TMEM232: variants seen among roughly 807,000 people sequenced by gnomAD.
The protein encoded by TMEM232 is transmembrane protein 232.
TMEM232 carries 80 observed loss-of-function variants against 78.8 expected under a neutral mutation model. The observed-to-expected ratio is 1.01, with a 90% CI of 0.85 to 1.22. The LOEUF (loss-of-function observed/expected upper bound fraction) is 1.22, where lower values mean the gene tolerates loss of function less well. TMEM232 is among the 50% of genes most tolerant of loss of function. The pLI is 0.00. For missense variants in TMEM232, 881 were observed against 742.2 expected (o/e 1.19, Z -2.17); for synonymous variants, 297 against 254.3 (o/e 1.17, Z -1.60).
At chr5:110,549,367 T>G (rs56689161) in intron 11 of TMEM232, among the ~76,000 whole-genome samples, 2 of 151,494 alleles carry the variant, frequency 1.3e-5, no homozygotes, top group Non-Finnish European at 2.9e-5. Flanking sequence ...GTAATCCCAG[T>G]GTTTTGAGGG....
intron 12 of TMEM232, among the ~76,000 whole-genome samples, chr5:110,455,801 T>C (rs563625016): frequency 8.7e-4 from 132 of 152,250 alleles, no homozygotes; most frequent in African/African-American, 2.9e-3. Flanking sequence ...TCTTTCAACA[T>C]TGAAAAAATC....
chr5:110,701,448 C>T (rs1237923899), intron 1 of TMEM232, among the ~76,000 whole-genome samples: 5 of 151,944 alleles, frequency 3.3e-5, no homozygotes, highest in Admixed American at 2.0e-4. Flanking sequence ...TAGCCCCATG[C>T]TCCCAGTAAG....
intron 12 of TMEM232, among the ~76,000 whole-genome samples, chr5:110,524,255 A>T (rs1468838640): frequency 1.9e-4 from 23 of 122,000 alleles, no homozygotes; most frequent in Non-Finnish European, 2.8e-4. Context: ...AACGAGACTC[A>T]GTCTCAAAAA....
At chr5:110,604,605 T>C (rs1781323845) in intron 10 of TMEM232, among the ~76,000 whole-genome samples, 1 of 152,198 alleles carries the variant, frequency 6.6e-6, no homozygotes, top group African/African-American at 2.4e-5. Context: ...TCAAGGAATA[T>C]AATTTGAATC....
upstream of TMEM232, among the ~76,000 whole-genome samples, chr5:110,728,132 T>C (rs1158854741): frequency 6.6e-5 from 10 of 152,038 alleles, no homozygotes; most frequent in East Asian, 5.8e-4. Flanking sequence ...GTTGAAACTA[T>C]AGCATGTTTA....
chr5:110,525,898 T>C (rs535817395), intron 12 of TMEM232, among the ~76,000 whole-genome samples: 1 of 150,708 alleles, frequency 6.6e-6, no homozygotes, highest in Admixed American at 6.6e-5. Flanking sequence ...AAAAAAGAAA[T>C]GGGAATTTAG....
At chr5:110,711,028 C>T (rs559499879) in intron 1 of TMEM232, among the ~76,000 whole-genome samples, 4 of 152,160 alleles carry the variant, frequency 2.6e-5, no homozygotes, top group Admixed American at 2.0e-4. Flanking sequence ...AAAGACTTCA[C>T]CAAAAAACGA....
At chr5:110,396,838 T>A (rs1580548888) in intron 3 of TMEM232, among the ~76,000 whole-genome samples, 2 of 152,136 alleles carry the variant, frequency 1.3e-5, no homozygotes, top group Non-Finnish European at 2.9e-5. Context: ...CTTTTTTGGT[T>A]TTTGCCTTGC....
intron 2 of TMEM232, among the ~76,000 whole-genome samples, chr5:110,414,351 C>T (rs1001798503): frequency 2.0e-5 from 3 of 152,072 alleles, no homozygotes; most frequent in African/African-American, 7.2e-5. Flanking sequence ...GTATTTGGAG[C>T]TCAGCAGACA....
At chr5:110,592,677 A>T (rs1386671689) in intron 10 of TMEM232, among the ~76,000 whole-genome samples, 2 of 151,912 alleles carry the variant, frequency 1.3e-5, no homozygotes, top group Non-Finnish European at 2.9e-5. Context: ...AAACAAAAAC[A>T]AAAAACAAAC....
chr5:110,654,148 G>T (rs1419919539), intron 2 of TMEM232, among the ~76,000 whole-genome samples: 1 of 152,126 alleles, frequency 6.6e-6, no homozygotes, highest in Admixed American at 6.5e-5. Context: ...CTGCTGCACT[G>T]GGGCCTAAGT....
chr5:110,552,448 T>G (rs989072204), intron 11 of TMEM232, among the ~76,000 whole-genome samples: 1 of 152,062 alleles, frequency 6.6e-6, no homozygotes, highest in Non-Finnish European at 1.5e-5. Flanking sequence ...AGGTGAAGAT[T>G]GTCTTTCAAC....
At chr5:110,605,499 G>C (rs922061890) in intron 9 of TMEM232, 141 bp from the exon 10 acceptor site, 3 of 854,920 alleles carry the variant, frequency 3.5e-6, no homozygotes, top group Admixed American at 3.6e-5. Flanking sequence ...GGTTTACCAT[G>C]AGTAGACTGC....
At chr5:110,549,484 C>T (rs1774189930) in intron 11 of TMEM232, among the ~76,000 whole-genome samples, 2 of 151,424 alleles carry the variant, frequency 1.3e-5, no homozygotes, top group African/African-American at 4.9e-5. Flanking sequence ...GCATGATGGC[C>T]TGCATGTGCA....
At chr5:110,535,328 C>T (rs1284708684) in intron 11 of TMEM232, among the ~76,000 whole-genome samples, 1 of 151,952 alleles carries the variant, frequency 6.6e-6, no homozygotes, top group Non-Finnish European at 1.5e-5. Flanking sequence ...CACCTTGTGA[C>T]CCTCACTCCT....
At chr5:110,613,531 G>T (rs1308105388) in intron 8 of TMEM232, among the ~76,000 whole-genome samples, 2 of 152,066 alleles carry the variant, frequency 1.3e-5, no homozygotes, top group African/African-American at 4.8e-5. Context: ...CCTGCTAATG[G>T]TCACTGGCAT....
At chr5:110,389,457 A>T (rs911507729) in intron 4 of TMEM232, among the ~76,000 whole-genome samples, 3 of 152,226 alleles carry the variant, frequency 2.0e-5, no homozygotes, top group Non-Finnish European at 4.4e-5. Flanking sequence ...GAACTCACAC[A>T]TTCATGGCCA....
intron 12 of TMEM232, among the ~76,000 whole-genome samples, chr5:110,479,187 G>C (rs1348772037): frequency 6.6e-6 from 1 of 151,462 alleles, no homozygotes; most frequent in Non-Finnish European, 1.5e-5. Flanking sequence ...TAATTGATTT[G>C]TTTTCTTTTT....
rs573334211 is a variant in TMEM232 at position 110,708,370 on chromosome 5, A to G, written c.-13+18257T>C. ...GACTTCTTCACAGAAAGAAAAGGAC[A>G]TTAATGAGAAATAAGAAATCATGTG... is the stretch of plus-strand genomic sequence containing the variant. On this transcript the variant is annotated intron_variant, in intron 1 of 13. Transcript: ENST00000455884. Among the ~76,000 whole-genome samples, 11 of 152,372 alleles carry G rather than the reference A, an allele frequency of 7.2e-5. No individual in the cohort carries two copies. In the East Asian group the frequency reaches 2.1e-3, roughly 29 times the overall value.
Sources: gnomAD v4.1 joint callset for allele counts (sites outside exome capture counted in the v4.1 genomes callset) on GRCh38, gnomAD v4.1.1 for gene constraint, MANE v1.5 for transcripts, NCBI Gene and HGNC (gene_info 2026-07-23, HGNC 2026-07-21) for gene names.